Variants in RNF14 observed in about 807,000 individuals in gnomAD.
The protein encoded by RNF14 is E3 ubiquitin-protein ligase RNF14.
RNF14 carries 26 observed loss-of-function variants against 52.6 expected under a neutral mutation model. The ratio of observed to expected loss-of-function variants is 0.49; its 90% CI spans 0.36 to 0.69. The LOEUF is 0.69. Among genes scored for constraint, RNF14 ranks in the 30% least tolerant of loss-of-function variants. The pLI, the probability that RNF14 is intolerant of heterozygous loss-of-function variation, is 0.00. For missense variants in RNF14, 404 were observed against 560.4 expected (o/e 0.72, Z 2.82); for synonymous variants, 194 against 202.0 (o/e 0.96, Z 0.34).
the RNF14 span, chr5:141,951,645 C>G: frequency 7.2e-5 from 92 of 1,273,934 alleles, no homozygotes; most frequent in Non-Finnish European, 3.4e-6. Context: ...AGCACACTTC[C>G]TCGCCGGATG....
chr5:141,980,885 G>A (rs1446316288), intron 6 of RNF14, among the ~76,000 whole-genome samples: 1 of 152,184 alleles, frequency 6.6e-6, no homozygotes, highest in Non-Finnish European at 1.5e-5. Context: ...ACATGTGTTT[G>A]ACTAGTCATC....
At chr5:141,970,245 T>C (rs1332427818) in intron 1 of RNF14, among the ~76,000 whole-genome samples, 1 of 152,212 alleles carries the variant, frequency 6.6e-6, no homozygotes. Flanking sequence ...TTGTGTACTC[T>C]TGTTTTGTTT....
chr5:141,975,435 A>C (rs1754159056), intron 4 of RNF14, among the ~76,000 whole-genome samples: 1 of 152,226 alleles, frequency 6.6e-6, no homozygotes, highest in South Asian at 2.1e-4. Flanking sequence ...ATCTGTATTA[A>C]TAACAAATAA....
rs1017189905 is a variant in RNF14, at chr5:141,983,648, A to G, written c.1236+96A>G. 54 of 1,044,842 alleles carry G rather than the reference A, an allele frequency of 5.2e-5. 1 individual carries two copies. Among genetic ancestry groups the G allele is most frequent in the Non-Finnish European group, 9.5e-6 (7 of 735,348 alleles). The allele number at this position is 1,044,842 out of a possible 1,614,324, so 64.7% of individuals were successfully genotyped here. ...ACTAGTCAATTTTATGACTTACAAA[A>G]CACATGCTGGTATTATTACACCTTC... On this transcript the variant is annotated intron_variant, in intron 7 of 8. Coordinates refer to ENST00000394520, the MANE Select transcript of RNF14 (RefSeq NM_004290.5).
chr5:141,956,444 G>A (rs139579018), upstream of RNF14: 132 of 1,614,192 alleles, frequency 8.2e-5, no homozygotes, highest in African/African-American at 4.7e-4. Context: ...TTGTTTTCCC[G>A]CGTGGAGACT....
the RNF14 span, among the ~76,000 whole-genome samples, chr5:141,951,105 T>C: frequency 2.0e-4 from 31 of 152,276 alleles, 1 homozygote; most frequent in East Asian, 6.0e-3. Flanking sequence ...CACACAGCCA[T>C]GTCTTTAGTG....
intron 1 of RNF14, among the ~76,000 whole-genome samples, chr5:141,970,379 G>GA (rs952685099): frequency 2.4e-4 from 36 of 152,208 alleles, no homozygotes; most frequent in Admixed American, 1.4e-3. Flanking sequence ...GAGGAAAGGA[G>GA]AAAAAAACAA....
upstream of RNF14, chr5:141,956,726 CAA>C (rs776916189): frequency 1.4e-5 from 23 of 1,614,146 alleles, no homozygotes; most frequent in Non-Finnish European, 1.8e-5. Context: ...TCTGCCATGA[CAA>C]GAGCAATAAA....
chr5:141,951,389 C>T, the RNF14 span: 64,753 of 830,852 alleles, frequency 0.078, 2,958 homozygotes, highest in South Asian at 0.13. Flanking sequence ...CCCAGGGGAC[C>T]GGTGTCTGAC....
chr5:141,971,923 A>C (rs908032921), intron 2 of RNF14, among the ~76,000 whole-genome samples: 1 of 152,108 alleles, frequency 6.6e-6, no homozygotes, highest in African/African-American at 2.4e-5. Flanking sequence ...GCTGGGATTA[A>C]AGACTTGAGC....
the RNF14 span, among the ~76,000 whole-genome samples, chr5:141,950,260 G>A: frequency 6.6e-6 from 1 of 152,092 alleles, no homozygotes; most frequent in African/African-American, 2.4e-5. Context: ...TAGACACTTG[G>A]GGACAGGCCT....
At chr5:141,955,478 C>T (rs138811155), upstream of RNF14, 61 of 1,613,952 alleles carry the variant, frequency 3.8e-5, no homozygotes, top group Middle Eastern at 9.9e-4. The surrounding 1 kb of genome is among the most constrained non-coding windows in gnomAD (Gnocchi z 5.5). Flanking sequence ...TGGGACTGCC[C>T]GACTTCACAA....
chr5:141,980,179 G>T lies in RNF14; in HGVS notation c.891G>T (p.Gln297His). 1 of 1,614,220 alleles carries T rather than the reference G, an allele frequency of 6.2e-7. No homozygotes were observed. The highest frequency in any genetic ancestry group is 1.3e-5 in the African/African-American group (1 of 75,054). The change falls in exon 6 of 9, where the codon CAG (glutamine) becomes CAT (histidine). Residue 297 changes from glutamine to histidine, a missense_variant. Transcript: ENST00000394520. ...LFARYDRLLL[Q>H]SSLDLMADVV... ...CCCGTTATGACCGCCTTCTCCTCCA[G>T]TCCTCCTTGGACCTGATGGCAGATG...
upstream of RNF14, chr5:141,955,720 G>T (rs1440512038): frequency 6.2e-7 from 1 of 1,614,154 alleles, no homozygotes; most frequent in African/African-American, 1.3e-5. This position sits in a 1 kb window ranked among gnomAD's most constrained non-coding sequence, Gnocchi z 5.5. Flanking sequence ...CATGCTCAAG[G>T]CCCCAGGCTT....
At chr5:141,951,506 G>A in the RNF14 span, 1 of 1,614,056 alleles carries the variant, frequency 6.2e-7, no homozygotes, top group South Asian at 1.1e-5. Flanking sequence ...CTGCCTCCTG[G>A]CTTGGCCAAG....
At chr5:141,958,556 T>C (rs1753225082) in intron 1 of RNF14, 1 of 152,450 alleles carries the variant, frequency 6.6e-6, no homozygotes, top group East Asian at 1.9e-4. Flanking sequence ...TGTTCCCCTC[T>C]CATTCCTGTC....
intron 4 of RNF14, among the ~76,000 whole-genome samples, chr5:141,975,257 T>C (rs1193601032): frequency 2.0e-5 from 3 of 152,254 alleles, no homozygotes; most frequent in Non-Finnish European, 4.4e-5. Flanking sequence ...TAATGGAGAC[T>C]AAGAGGTCTT....
chr5:141,976,800 T>G (rs1361775226), intron 4 of RNF14, among the ~76,000 whole-genome samples: 3 of 55,766 alleles, frequency 5.4e-5, no homozygotes, highest in Non-Finnish European at 1.0e-4. Context: ...TTTTTTTTTT[T>G]TTTTTTGAGA....
At position 141,973,684 on chromosome 5, in the gene RNF14, A is replaced by T; in HGVS notation, c.96A>T (p.Gln32His). The T allele has an allele frequency of 6.2e-7, 1 of 1,613,764 alleles. No individual in the cohort carries two copies. Among genetic ancestry groups the T allele is most frequent in the Non-Finnish European group, 8.5e-7 (1 of 1,179,846 alleles). ...AATTTAGAAAAGCAGAGTCTGTCCA[A>T]GGTGGAGAAACCAGGATCTATTTGG... is the stretch of plus-strand genomic sequence containing the variant. ...GDEFRKAESV[Q>H]GGETRIYLDL... The change falls in exon 3 of 9, where the codon CAA (glutamine) becomes CAT (histidine). Residue 32 changes from glutamine (Q) to histidine (H), a missense_variant. Coordinates refer to ENST00000394520, the MANE Select transcript of RNF14 (RefSeq NM_004290.5).
Sources: gnomAD v4.1 joint callset for allele counts (sites outside exome capture counted in the v4.1 genomes callset) on GRCh38, gnomAD v4.1.1 for gene constraint, Gnocchi (gnomAD v3.1) non-coding constraint, MANE v1.5 for transcripts, NCBI Gene and HGNC (gene_info 2026-07-23, HGNC 2026-07-21) for gene names.